The following ANK1 variants were observed in gnomAD, a reference collection of about 807,000 sequenced individuals.
ANK1 encodes the protein ankyrin-1.
ANK1 carries 51 observed loss-of-function variants against 210.4 expected under a neutral mutation model. The ratio of observed to expected loss-of-function variants is 0.24; its 90% CI spans 0.19 to 0.31. ANK1 has a LOEUF of 0.31. Ranked by LOEUF, ANK1 falls within the 10% of genes least tolerant of loss-of-function variation. The pLI, the probability that ANK1 is intolerant of heterozygous loss-of-function variation, is 1.00. For missense variants in ANK1, 2,051 were observed against 2,504.4 expected, an observed-to-expected ratio of 0.82 and a Z score of 3.86; for synonymous variants, 967 against 1,025.9, an observed-to-expected ratio of 0.94 and a Z score of 1.10.
In ANK1 at chr8:41,654,588, C is replaced by T. The variant is rs1805087438; in HGVS notation, c.*1202G>A. 1 of 152,696 alleles carries T rather than the reference C, an allele frequency of 6.5e-6. No homozygotes were observed. Among genetic ancestry groups the T allele is most frequent in the South Asian group, 2.1e-4 (1 of 4,830 alleles). 9.5% of individuals were successfully genotyped at this position (152,696 alleles called of 1,614,324 possible). A position where few individuals can be genotyped will look rare whatever the true frequency, so the allele number is the denominator to read the frequency against. On this transcript the variant is annotated 3_prime_UTR_variant, in exon 43 of 43. Coordinates refer to ENST00000289734, the MANE Select transcript of ANK1 (RefSeq NM_000037.4). ...CTGGCAGATACATTCACTAGCCCTA[C>T]TCCTTTCCTTCCTCTTTCACTGAAA...
chr8:41,803,057 G>GGC (rs1554630943), intron 1 of ANK1, among the ~76,000 whole-genome samples: 1 of 36,074 alleles, frequency 2.8e-5, no homozygotes, highest in African/African-American at 1.0e-4. Context: ...GAAAGAAAGA[G>GGC]AGAAAGGAAG....
intron 37 of ANK1, among the ~76,000 whole-genome samples, chr8:41,675,981 G>T (rs1408391609): frequency 1.3e-5 from 2 of 152,152 alleles, no homozygotes; most frequent in Non-Finnish European, 2.9e-5. Flanking sequence ...ATAGCCCTTT[G>T]GAAGGATATA....
chr8:41,738,091 G>A (rs1261153991), intron 2 of ANK1, among the ~76,000 whole-genome samples: 1 of 152,228 alleles, frequency 6.6e-6, no homozygotes, highest in African/African-American at 2.4e-5. Flanking sequence ...AGAGAAAAGA[G>A]TTGTTCTGTC....
intron 7 of ANK1, among the ~76,000 whole-genome samples, 175 bp from the exon 8 acceptor site, chr8:41,723,808 G>A (rs1446210924): frequency 5.9e-5 from 6 of 101,284 alleles, no homozygotes; most frequent in African/African-American, 2.3e-4. Context: ...TTTTTTTTTT[G>A]AGACGGAGTC....
intron 10 of ANK1, among the ~76,000 whole-genome samples, 184 bp from the exon 11 acceptor site, chr8:41,718,388 G>T (rs1420022464): frequency 1.3e-5 from 2 of 152,172 alleles, no homozygotes; most frequent in Non-Finnish European, 2.9e-5. Flanking sequence ...TGCAAATCAT[G>T]TAAGAGACAG....
intron 38 of ANK1, among the ~76,000 whole-genome samples, chr8:41,671,903 C>T (rs1223131043): frequency 2.2e-5 from 3 of 137,714 alleles, no homozygotes; most frequent in South Asian, 2.6e-4. Flanking sequence ...CCCGGTGCCC[C>T]GATGTCCTAA....
At chr8:41,755,439 G>A (rs1838888181) in intron 2 of ANK1, among the ~76,000 whole-genome samples, 1 of 152,212 alleles carries the variant, frequency 6.6e-6, no homozygotes, top group South Asian at 2.1e-4. Context: ...TTAACCCTTG[G>A]AAGGCCTCTG....
chr8:41,846,892 C>T (rs1423237418), intron 1 of ANK1, among the ~76,000 whole-genome samples: 1 of 152,194 alleles, frequency 6.6e-6, no homozygotes, highest in Non-Finnish European at 1.5e-5. Flanking sequence ...TCCACATGGC[C>T]CGGGAGCCTG....
chr8:41,675,740 A>C (rs1813910729), intron 37 of ANK1, among the ~76,000 whole-genome samples: 1 of 152,140 alleles, frequency 6.6e-6, no homozygotes, highest in African/African-American at 2.4e-5. Context: ...GCTTCTTTGT[A>C]ATCTCTCCCT....
At chr8:41,671,226 G>A (rs968673659) in intron 38 of ANK1, among the ~76,000 whole-genome samples, 1 of 152,182 alleles carries the variant, frequency 6.6e-6, no homozygotes, top group African/African-American at 2.4e-5. Flanking sequence ...CTCTACAGCT[G>A]AAAGCTCCGT....
chr8:41,822,126 AAGAAAGAGAAAG>A (rs1311719721), intron 1 of ANK1, among the ~76,000 whole-genome samples: 1 of 29,772 alleles, frequency 3.4e-5, no homozygotes, highest in African/African-American at 1.2e-4. Context: ...AAGAAAGAGA[AAGAAAGAGAAAG>A]AAAGAAAGAA....
intron 42 of ANK1, among the ~76,000 whole-genome samples, chr8:41,660,826 G>A (rs1807839497): frequency 6.6e-6 from 1 of 152,138 alleles, no homozygotes; most frequent in Non-Finnish European, 1.5e-5. Context: ...TTGGCCTGGT[G>A]AGAACTGTAG....
Position 41,694,668 on chromosome 8 carries a change from T to C in ANK1, c.3251A>G (p.Lys1084Arg), listed in dbSNP as rs751008935. 6.2e-7 allele frequency: 1 copy of C among 1,614,128 alleles called. No homozygotes were observed. Among genetic ancestry groups the C allele is most frequent in the Admixed American group, 1.7e-5 (1 of 60,022 alleles). ...DTIGPEGGSL[K>R]SKLVPLVQAT... is the part of the protein sequence containing the mutation. Reference sequence around the variant, plus strand: ...CTGTACCAGGGGCACCAGCTTGCTCTTCAGGGAGCCCCCTTCGGGACCGAT... The same window carrying C: ...CTGTACCAGGGGCACCAGCTTGCTCCTCAGGGAGCCCCCTTCGGGACCGAT... Residue 1084 changes from lysine to arginine, a missense_variant, in exon 28 of 43, where the codon AAG becomes AGG. Coordinates refer to ENST00000289734, the MANE Select transcript of ANK1 (RefSeq NM_000037.4). This position sits in a 1 kb window ranked among gnomAD's most constrained non-coding sequence, Gnocchi z 5.7.
intron 1 of ANK1, among the ~76,000 whole-genome samples, chr8:41,785,568 G>A (rs1227610659): frequency 6.6e-6 from 1 of 152,102 alleles, no homozygotes; most frequent in Non-Finnish European, 1.5e-5. Context: ...GATGAAATGC[G>A]CTCCTGCCTG....
chr8:41,879,611 T>C (rs528428527), intron 1 of ANK1, among the ~76,000 whole-genome samples: 1 of 152,128 alleles, frequency 6.6e-6, no homozygotes, highest in East Asian at 1.9e-4. Flanking sequence ...TGTTCCTATT[T>C]CCACAACTGA....
At chr8:41,681,077 T>C (rs1815832571) in intron 37 of ANK1, among the ~76,000 whole-genome samples, 1 of 152,208 alleles carries the variant, frequency 6.6e-6, no homozygotes, top group African/African-American at 2.4e-5. Flanking sequence ...GGTTCTGTGC[T>C]GACCCAGAGG....
chr8:41,754,127 A>G (rs1260435976), intron 2 of ANK1, among the ~76,000 whole-genome samples: 2 of 152,254 alleles, frequency 1.3e-5, no homozygotes, highest in Non-Finnish European at 2.9e-5. Context: ...CCAATAGACT[A>G]CAGTTCAGAA....
At position 41,694,849 on chromosome 8, in the gene ANK1, G is replaced by C; in HGVS notation, c.3116-46C>G. ...CACCACCCCGGTCACATCAGGCACA[G>C]GTTCAGGACTTCCAGGGGCCCCAGA... On this transcript the variant is annotated intron_variant, in intron 27 of 42. Coordinates refer to ENST00000289734, the MANE Select transcript of ANK1 (RefSeq NM_000037.4). The surrounding 1 kb of genome is among the most constrained non-coding windows in gnomAD (Gnocchi z 5.7). 2.5e-6 allele frequency: 4 copies of C among 1,595,058 alleles called. No individual in the cohort carries two copies. Among genetic ancestry groups the C allele is most frequent in the Non-Finnish European group, 3.4e-6 (4 of 1,165,720 alleles).
At chr8:41,857,567 C>T (rs1812440309) in intron 1 of ANK1, among the ~76,000 whole-genome samples, 1 of 151,846 alleles carries the variant, frequency 6.6e-6, no homozygotes, top group Admixed American at 6.6e-5. Flanking sequence ...GGAGAAAGTC[C>T]GTCTCTACTA....
Sources: gnomAD v4.1 joint callset for allele counts (sites outside exome capture counted in the v4.1 genomes callset) on GRCh38, gnomAD v4.1.1 for gene constraint, Gnocchi (gnomAD v3.1) non-coding constraint, MANE v1.5 for transcripts, NCBI Gene and HGNC (gene_info 2026-07-23, HGNC 2026-07-21) for gene names.